Variants in BCAS3 observed in about 807,000 individuals in gnomAD.
BCAS3 encodes BCAS3 microtubule associated cell migration factor.
Under a neutral mutation model 116.1 loss-of-function variants are expected in BCAS3, and 53 were observed. The observed-to-expected ratio is 0.46, with a 90% CI of 0.37 to 0.57. The LOEUF is 0.57. Among genes scored for constraint, BCAS3 ranks in the 20% least tolerant of loss-of-function variants. The pLI is 0.00. For missense variants in BCAS3, 917 were observed against 1,165.4 expected, an observed-to-expected ratio of 0.79 and a Z score of 3.10; for synonymous variants, 391 against 408.2, an observed-to-expected ratio of 0.96 and a Z score of 0.51.
intron 22 of BCAS3, among the ~76,000 whole-genome samples, chr17:61,284,945 T>G (rs1353931258): frequency 6.6e-6 from 1 of 152,184 alleles, no homozygotes; most frequent in Non-Finnish European, 1.5e-5. Flanking sequence ...GTTGAATGAA[T>G]GTATAAGTGA....
In BCAS3 at chr17:61,134,176, A is replaced by G. The variant is rs1335261891; in HGVS notation, c.2425+49612A>G. Reference sequence around the variant, plus strand: ...GAATTAAATAAAAGTCACATTCATAATGAACACTGGAGCAATTATACATCC... The same window carrying G: ...GAATTAAATAAAAGTCACATTCATAGTGAACACTGGAGCAATTATACATCC... On this transcript the variant is annotated intron_variant, in intron 22 of 23. Transcript: ENST00000407086. The surrounding 1 kb of genome is among the most constrained non-coding windows in gnomAD (Gnocchi z 4.6). Among the ~76,000 whole-genome samples, 11 of 152,208 alleles carry G rather than the reference A, an allele frequency of 7.2e-5. No individual in the cohort carries two copies. Among genetic ancestry groups the G allele is most frequent in the Admixed American group, 6.5e-4 (10 of 15,278 alleles).
Position 61,140,493 on chromosome 17 carries a change from G to A in BCAS3, c.2425+55929G>A, listed in dbSNP as rs1471149282. ...TGAAACATTAAAGAAAAGTAACCCT[G>A]TTAAGTGGTTATCACAATCAAACAT... On this transcript the variant is annotated intron_variant, in intron 22 of 23. Coordinates refer to ENST00000407086, the MANE Select transcript of BCAS3 (RefSeq NM_017679.5). The surrounding 1 kb of genome is among the most constrained non-coding windows in gnomAD (Gnocchi z 4.2). Among the ~76,000 whole-genome samples the A allele has an allele frequency of 6.6e-6, 1 of 152,090 alleles. No individual in the cohort carries two copies. The highest frequency in any genetic ancestry group is 1.5e-5 in the Non-Finnish European group (1 of 68,012).
intron 7 of BCAS3, among the ~76,000 whole-genome samples, chr17:60,867,114 GTT>G (rs11396196): frequency 7.1e-6 from 1 of 141,140 alleles, no homozygotes. Flanking sequence ...TTTTGTTTTT[GTT>G]TTTTTTTTTT....
intron 7 of BCAS3, among the ~76,000 whole-genome samples, chr17:60,813,300 A>T (rs897773529): frequency 1.7e-5 from 2 of 120,284 alleles, no homozygotes; most frequent in African/African-American, 1.1e-4. Flanking sequence ...AAGATTTCTT[A>T]AAAAAAAAAA....
intron 7 of BCAS3, among the ~76,000 whole-genome samples, chr17:60,813,056 C>T (rs538351551): frequency 6.6e-6 from 1 of 152,016 alleles, no homozygotes; most frequent in Non-Finnish European, 1.5e-5. Context: ...TCATATTATT[C>T]TTATTTTATG....
At chr17:60,975,854 C>G (rs1195687429) in intron 14 of BCAS3, among the ~76,000 whole-genome samples, 2 of 151,998 alleles carry the variant, frequency 1.3e-5, no homozygotes. Context: ...CATCCATTTT[C>G]AAATATGCAT....
intron 14 of BCAS3, among the ~76,000 whole-genome samples, chr17:60,973,934 T>G (rs2062135466): frequency 6.6e-6 from 1 of 152,168 alleles, no homozygotes; most frequent in Non-Finnish European, 1.5e-5. Context: ...GATATGGGGT[T>G]GGAGGGAATG....
chr17:60,682,178 C>T lies in BCAS3; in HGVS notation c.84-1804C>T, dbSNP rs750780338. On this transcript the variant is annotated intron_variant, in intron 2 of 23. Coordinates refer to ENST00000407086, the MANE Select transcript of BCAS3 (RefSeq NM_017679.5). ...AAGGAGAATACATATAAGGCTGTCC[C>T]GGAAGCTCTCTCAAAGGAGGCAGCA... Among the ~76,000 whole-genome samples, 74 of 152,166 alleles carry T rather than the reference C, an allele frequency of 4.9e-4. 1 individual carries two copies. Among genetic ancestry groups the T allele is most frequent in the Middle Eastern group, 3.4e-3 (1 of 294 alleles).
chr17:61,104,082 A>G lies in BCAS3; in HGVS notation c.2425+19518A>G, dbSNP rs1439895898. Among the ~76,000 whole-genome samples the G allele has an allele frequency of 6.6e-6, 1 of 152,170 alleles. No homozygotes were observed. The highest frequency in any genetic ancestry group is 2.4e-5 in the African/African-American group (1 of 41,442). ...TGGATTTTTCTTATGATACGTTGGA[A>G]TAAAAGAAAAAACTTTTCTAAAGTT... is the stretch of plus-strand genomic sequence containing the variant. On this transcript the variant is annotated intron_variant, in intron 22 of 23. Coordinates refer to ENST00000407086, the MANE Select transcript of BCAS3 (RefSeq NM_017679.5). The surrounding 1 kb of genome is among the most constrained non-coding windows in gnomAD (Gnocchi z 4.1).
At chr17:60,845,621 A>G (rs560249170) in intron 7 of BCAS3, among the ~76,000 whole-genome samples, 47 of 152,336 alleles carry the variant, frequency 3.1e-4, no homozygotes, top group African/African-American at 1.1e-3. Context: ...TGCAAAATGA[A>G]TAATATACTA....
At chr17:60,738,478 T>C (rs754313478) in intron 5 of BCAS3, among the ~76,000 whole-genome samples, 2 of 152,230 alleles carry the variant, frequency 1.3e-5, no homozygotes, top group Non-Finnish European at 2.9e-5. Context: ...ACAAGTTTCT[T>C]TGCCTTGAAA....
chr17:60,807,854 G>T, intron 6 of BCAS3, 150 bp from the exon 7 acceptor site: 1 of 503,424 alleles, frequency 2.0e-6, no homozygotes, highest in Non-Finnish European at 3.5e-6. Context: ...ATTTTATATA[G>T]TAGCTTTTCT....
At chr17:60,884,633 G>T (rs2056473023) in intron 9 of BCAS3, among the ~76,000 whole-genome samples, 2 of 140,918 alleles carry the variant, frequency 1.4e-5, no homozygotes, top group Admixed American at 7.0e-5. Context: ...CAGAGATTCT[G>T]GTATGTTGTG....
chr17:60,895,787 G>A (rs2057469341), intron 10 of BCAS3, among the ~76,000 whole-genome samples: 1 of 152,172 alleles, frequency 6.6e-6, no homozygotes, highest in African/African-American at 2.4e-5. Context: ...ACTCAGTAGT[G>A]TTCAGGGGCA....
chr17:60,712,959 T>A (rs1483069909), intron 5 of BCAS3, among the ~76,000 whole-genome samples: 1 of 152,200 alleles, frequency 6.6e-6, no homozygotes, highest in East Asian at 1.9e-4. Flanking sequence ...GATGATAGCC[T>A]GTGACAAAGT....
rs182074170 is a variant in BCAS3, at chr17:61,098,626, C to A, written c.2425+14062C>A. Among the ~76,000 whole-genome samples, 2 of 152,062 alleles carry A rather than the reference C, an allele frequency of 1.3e-5. No individual in the cohort carries two copies. The highest frequency in any genetic ancestry group is 1.3e-4 in the Admixed American group (2 of 15,254). On this transcript the variant is annotated intron_variant, in intron 22 of 23. Coordinates refer to ENST00000407086, the MANE Select transcript of BCAS3 (RefSeq NM_017679.5). The surrounding 1 kb of genome is among the most constrained non-coding windows in gnomAD (Gnocchi z 4.2). The stretch of plus-strand genomic sequence containing the variant: ...AAGTGGTATGCTGCAAAAAGGAATT[C>A]GGTTAGCAGATTTTATGGCATCCAT...
At chr17:61,246,831 A>ATG (rs2048013157) in intron 22 of BCAS3, among the ~76,000 whole-genome samples, 1 of 98,732 alleles carries the variant, frequency 1.0e-5, no homozygotes, top group East Asian at 2.7e-4. Context: ...GTGTGTGTGT[A>ATG]TGTGTGTGAT....
chr17:61,014,921 G>A (rs1290106761), intron 15 of BCAS3, among the ~76,000 whole-genome samples: 1 of 152,048 alleles, frequency 6.6e-6, no homozygotes, highest in Non-Finnish European at 1.5e-5. Flanking sequence ...TTAGTAGTAA[G>A]TTAACCAAAG....
At chr17:60,741,515 A>G (rs1361155760) in intron 5 of BCAS3, among the ~76,000 whole-genome samples, 1 of 152,216 alleles carries the variant, frequency 6.6e-6, no homozygotes, top group Non-Finnish European at 1.5e-5. Flanking sequence ...TATCATACCT[A>G]TCTGTGGTCC....
Sources: gnomAD v4.1 joint callset for allele counts (sites outside exome capture counted in the v4.1 genomes callset) on GRCh38, gnomAD v4.1.1 for gene constraint, Gnocchi (gnomAD v3.1) non-coding constraint, MANE v1.5 for transcripts, NCBI Gene and HGNC (gene_info 2026-07-23, HGNC 2026-07-21) for gene names.